Variants in CD2 observed in about 807,000 individuals in gnomAD.
The protein encoded by CD2 is T-cell surface antigen CD2.
Under a neutral mutation model 23.2 loss-of-function variants are expected in CD2, and 18 were observed. The ratio of observed to expected loss-of-function variants is 0.77; its 90% CI spans 0.54 to 1.15. The LOEUF (loss-of-function observed/expected upper bound fraction) is 1.15. Among genes scored for constraint, CD2 ranks in the 50% most tolerant of loss-of-function variants. The pLI is 0.00. For missense variants in CD2, 424 were observed against 423.1 expected (o/e 1.00, Z -0.02); for synonymous variants, 162 against 151.9 (o/e 1.07, Z -0.49).
rs1557918885 is a variant in CD2, at chr1:116,764,581, G to GA, written c.717dup (p.Gln240ThrfsTer7). 6.2e-7 allele frequency: 1 copy of GA among 1,613,892 alleles called. No homozygotes were observed. The highest frequency in any genetic ancestry group is 8.5e-7 in the Non-Finnish European group (1 of 1,179,962). On this transcript the variant is annotated frameshift_variant, in exon 4 of 5. Transcript: ENST00000369478. LOFTEE classifies it low-confidence loss of function (END_TRUNC). ...TGCTCGTTTTCTATATCACCAAAAG[G>GA]AAAAAACAGAGGAGTCGGAGAAATG...
intron 2 of CD2, among the ~76,000 whole-genome samples, chr1:116,755,351 G>C (rs3820657): frequency 3.3e-5 from 5 of 152,134 alleles, no homozygotes; most frequent in African/African-American, 2.4e-5. Context: ...GCCTTTCATC[G>C]ACAGAGCCCA....
intron 4 of CD2, 123 bp from the exon 5 acceptor site, chr1:116,768,341 C>T (rs1652279657): frequency 1.1e-6 from 1 of 873,776 alleles, no homozygotes; most frequent in Non-Finnish European, 1.8e-6. Context: ...GTAGGGGCAA[C>T]TTCTGCTTCC....
chr1:116,758,012 G>C (rs547772898), intron 2 of CD2, among the ~76,000 whole-genome samples: 1 of 151,618 alleles, frequency 6.6e-6, no homozygotes, highest in South Asian at 2.1e-4. Flanking sequence ...CAAGAGATCC[G>C]CCCACCTTAG....
At chr1:116,764,341 C>A in intron 3 of CD2, 143 bp from the exon 4 acceptor site, 1 of 1,318,094 alleles carries the variant, frequency 7.6e-7, no homozygotes, top group Non-Finnish European at 1.0e-6. Flanking sequence ...CACTCACCAC[C>A]CTCTGTGAGC....
At chr1:116,760,098 C>T (rs546896309) in intron 2 of CD2, among the ~76,000 whole-genome samples, 3 of 152,284 alleles carry the variant, frequency 2.0e-5, no homozygotes, top group Admixed American at 2.0e-4. Flanking sequence ...AAAACATCAG[C>T]CTGTCTGTTA....
Position 116,768,870 on chromosome 1 carries a change from T to C in CD2, c.*87T>C. ...ATATCCGTACTTCCATGAGGTGTTT[T>C]CTGTGTGCAGAACATTGTCACCTCC... is the stretch of plus-strand genomic sequence containing the variant. On this transcript the variant is annotated 3_prime_UTR_variant, in exon 5 of 5. Transcript: ENST00000369478. 1.5e-6 allele frequency: 2 copies of C among 1,330,964 alleles called. No homozygotes were observed. The highest frequency in any genetic ancestry group is 2.1e-6 in the Non-Finnish European group (2 of 965,190). The allele number at this position is 1,330,964 out of a possible 1,614,324, so 82.4% of individuals were successfully genotyped here. A position where few individuals can be genotyped will look rare whatever the true frequency, so the allele number is the denominator to read the frequency against.
chr1:116,754,887 G>C lies in CD2; in HGVS notation c.318G>C (p.Lys106Asn). 1 of 1,610,446 alleles carries C rather than the reference G, an allele frequency of 6.2e-7. No individual in the cohort carries two copies. Among genetic ancestry groups the C allele is most frequent in the South Asian group, 1.1e-5 (1 of 90,176 alleles). ...HLKTDDQDIY[K>N]VSIYDTKGKN... is the part of the protein sequence containing the mutation. Reference sequence around the variant, plus strand: ...AGACCGATGATCAGGATATCTACAAGGTATCAATATATGATACAAAAGGAA... The same window carrying C: ...AGACCGATGATCAGGATATCTACAACGTATCAATATATGATACAAAAGGAA... The change falls in exon 2 of 5, where the codon AAG becomes AAC. Residue 106 changes from lysine to asparagine, a missense_variant. By Grantham distance (94) the Lys-to-Asn change is moderately conservative. Coordinates refer to ENST00000369478, the MANE Select transcript of CD2 (RefSeq NM_001767.5).
chr1:116,768,136 G>A (rs533803417), intron 4 of CD2, among the ~76,000 whole-genome samples: 2 of 152,230 alleles, frequency 1.3e-5, no homozygotes, highest in African/African-American at 4.8e-5. Flanking sequence ...TTGCTCTCAG[G>A]GAACAATTTC....
At chr1:116,759,404 TG>T (rs1310191780) in intron 2 of CD2, among the ~76,000 whole-genome samples, 1 of 147,440 alleles carries the variant, frequency 6.8e-6, no homozygotes, top group Non-Finnish European at 1.5e-5. Context: ...GTGGCAAGTC[TG>T]GGGGGAACAA....
At position 116,760,454 on chromosome 1, in the gene CD2, C is replaced by T. The variant is rs773300437; in HGVS notation, c.435C>T (p.Thr145=). Reference sequence around the variant, plus strand: ...GGACTTGTATCAACACAACCCTGACCTGTGAGGTAATGAATGGAACTGACC... The same window carrying T: ...GGACTTGTATCAACACAACCCTGACTTGTGAGGTAATGAATGGAACTGACC... The part of the protein sequence containing the change: ...ISWTCINTTL[T]CEVMNGTDPE... The change falls in exon 3 of 5, where the codon ACC becomes ACT. Residue 145 remains threonine, a synonymous_variant. Transcript: ENST00000369478. 61 of 1,614,034 alleles carry T rather than the reference C, an allele frequency of 3.8e-5. No individual in the cohort carries two copies. The South Asian group carries it at 6.1e-4, about 16-fold the overall frequency.
At chr1:116,756,333 T>C (rs1172627488) in intron 2 of CD2, among the ~76,000 whole-genome samples, 1 of 152,188 alleles carries the variant, frequency 6.6e-6, no homozygotes. Flanking sequence ...TGTTTTCACA[T>C]TTGGGTCGCA....
At position 116,754,457 on chromosome 1, in the gene CD2, A is replaced by G. The variant is rs771888432; in HGVS notation, c.-36A>G. 2 of 1,586,450 alleles carry G rather than the reference A, an allele frequency of 1.3e-6. No individual in the cohort carries two copies. The highest frequency in any genetic ancestry group is 1.7e-6 in the Non-Finnish European group (2 of 1,158,220). On this transcript the variant is annotated 5_prime_UTR_variant, in exon 1 of 5. Transcript: ENST00000369478. Reference sequence around the variant, plus strand: ...TCTCACTTCAGTTCCTTTTGCATGAAGAGCTCAGAATCAAAAGAGGAAACC... The same window carrying G: ...TCTCACTTCAGTTCCTTTTGCATGAGGAGCTCAGAATCAAAAGAGGAAACC...
chr1:116,760,341 G>T, intron 2 of CD2, 61 bp from the exon 3 acceptor site: 1 of 1,336,962 alleles, frequency 7.5e-7, no homozygotes, highest in East Asian at 2.4e-5. Flanking sequence ...TGTATAAATA[G>T]ATATGTTTAT....
chr1:116,757,154 G>A (rs1651882078), intron 2 of CD2, among the ~76,000 whole-genome samples: 2 of 151,914 alleles, frequency 1.3e-5, no homozygotes, highest in Non-Finnish European at 2.9e-5. Context: ...GTACCACCAC[G>A]TCCGGCTAAT....
chr1:116,768,397 A>T (rs1652281897), intron 4 of CD2, 67 bp from the exon 5 acceptor site: 1 of 1,460,330 alleles, frequency 6.8e-7, no homozygotes, highest in Middle Eastern at 1.8e-4. Flanking sequence ...TGCATATAAA[A>T]GGTACTCAAT....
chr1:116,763,667 C>G (rs2101166562), intron 3 of CD2, among the ~76,000 whole-genome samples: 1 of 152,342 alleles, frequency 6.6e-6, no homozygotes, highest in East Asian at 1.9e-4. Context: ...ATTATCTCCA[C>G]TTTACAAAGA....
At position 116,760,390 on chromosome 1, in the gene CD2, C is replaced by T; in HGVS notation, c.383-12C>T. 1 of 1,607,478 alleles carries T rather than the reference C, an allele frequency of 6.2e-7. No homozygotes were observed. The highest frequency in any genetic ancestry group is 8.5e-7 in the Non-Finnish European group (1 of 1,174,728). ...TTGCCTAAATTGAACTGAATCTTTA[C>T]TTTCTTTTTAGAGAGGGTCTCAAAA... On this transcript the variant is annotated splice_polypyrimidine_tract_variant and intron_variant, in intron 2 of 4. Coordinates refer to ENST00000369478, the MANE Select transcript of CD2 (RefSeq NM_001767.5).
At chr1:116,757,246 A>C (rs1651884438) in intron 2 of CD2, among the ~76,000 whole-genome samples, 1 of 152,046 alleles carries the variant, frequency 6.6e-6, no homozygotes, top group African/African-American at 2.4e-5. Context: ...ATCCGCCTGC[A>C]TCGGCCTCCC....
chr1:116,764,542 G>A lies in CD2; in HGVS notation c.672G>A (p.Met224Ile). 1 of 1,614,084 alleles carries A rather than the reference G, an allele frequency of 6.2e-7. No homozygotes were observed. The highest frequency in any genetic ancestry group is 8.5e-7 in the Non-Finnish European group (1 of 1,180,002). Reference protein sequence around the residue: ...IGICGGGSLLMVFVALLVFYI... With the variant: ...IGICGGGSLLIVFVALLVFYI... ...TATGTGGAGGAGGCAGCCTCTTGAT[G>A]GTCTTTGTGGCACTGCTCGTTTTCT... Residue 224 changes from methionine to isoleucine, a missense_variant, in exon 4 of 5, where the codon ATG becomes ATA. By Grantham distance (10) the Met-to-Ile change is conservative (BLOSUM62 1). Coordinates refer to ENST00000369478, the MANE Select transcript of CD2 (RefSeq NM_001767.5).
Sources: gnomAD v4.1 joint callset for allele counts (sites outside exome capture counted in the v4.1 genomes callset) on GRCh38, gnomAD v4.1.1 for gene constraint, MANE v1.5 for transcripts, NCBI Gene and HGNC (gene_info 2026-07-23, HGNC 2026-07-21) for gene names.